Variants in STAT1 observed in about 807,000 individuals in gnomAD.
The protein encoded by STAT1 is signal transducer and activator of transcription 1.
In STAT1, 24 loss-of-function variants were observed where a neutral mutation model predicts 111.7. The observed-to-expected ratio is 0.21, with a 90% CI of 0.16 to 0.30. The LOEUF is 0.30. STAT1 is among the 10% of genes least tolerant of loss of function. The probability of loss-of-function intolerance (pLI) is 1.00; values close to 1 mark genes in which losing one functional copy is unlikely to be tolerated. For missense variants in STAT1, 351 were observed against 911.9 expected (o/e 0.38, Z 7.92); for synonymous variants, 332 against 326.5 (o/e 1.02, Z -0.18).
At chr2:190,991,849 C>T (rs1693368031) in intron 10 of STAT1, among the ~76,000 whole-genome samples, 3 of 151,618 alleles carry the variant, frequency 2.0e-5, no homozygotes, top group Admixed American at 2.0e-4. Context: ...AGAGTGAGGC[C>T]CTGTCTCAAA....
chr2:190,994,303 C>T (rs1046396847), intron 10 of STAT1, among the ~76,000 whole-genome samples: 3 of 151,984 alleles, frequency 2.0e-5, no homozygotes, highest in African/African-American at 4.8e-5. Context: ...GAAGGGGGGC[C>T]GTGAATGCCC....
Position 190,987,220 on chromosome 2 carries a change from C to A in STAT1, c.1098-152G>T. The A allele has an allele frequency of 1.4e-6, 1 of 690,390 alleles. No individual in the cohort carries two copies. The highest frequency in any genetic ancestry group is 2.5e-6 in the Non-Finnish European group (1 of 398,432). 42.8% of individuals were successfully genotyped at this position (690,390 alleles called of 1,614,324 possible). ...TGGATTTGCAGCCTTTCATTCACTCCCTGCTTCCATCTACCCATACTAGGT... is the reference window on the plus strand; with the variant it reads ...TGGATTTGCAGCCTTTCATTCACTCACTGCTTCCATCTACCCATACTAGGT... On this transcript the variant is annotated intron_variant, in intron 12 of 24. Coordinates refer to ENST00000361099, the MANE Select transcript of STAT1 (RefSeq NM_007315.4). The surrounding 1 kb of genome is among the most constrained non-coding windows in gnomAD (Gnocchi z 4.0).
chr2:190,987,614 T>C lies in STAT1; in HGVS notation c.1098-546A>G, dbSNP rs1181064717. Among the ~76,000 whole-genome samples, 4 of 152,234 alleles carry C rather than the reference T, an allele frequency of 2.6e-5. No individual in the cohort carries two copies. Among genetic ancestry groups the C allele is most frequent in the Admixed American group, 2.0e-4 (3 of 15,280 alleles). On this transcript the variant is annotated intron_variant, in intron 12 of 24. Transcript: ENST00000361099. The surrounding 1 kb of genome is among the most constrained non-coding windows in gnomAD (Gnocchi z 4.0). ...ATGAAAGTACCAGGAAAGTCAGTTATCTGGGGAAAGTGGCAAGTTTAAGTT... is the reference window on the plus strand; with the variant it reads ...ATGAAAGTACCAGGAAAGTCAGTTACCTGGGGAAAGTGGCAAGTTTAAGTT...
At position 190,978,659 on chromosome 2, in the gene STAT1, A is replaced by G. The variant is rs532490733; in HGVS notation, c.1873+197T>C. 1.0e-5 allele frequency: 7 copies of G among 696,236 alleles called. No homozygotes were observed. The highest frequency in any genetic ancestry group is 4.7e-5 in the Admixed American group (2 of 42,536). The allele number at this position is 696,236 out of a possible 1,614,324, so 43.1% of individuals were successfully genotyped here. On this transcript the variant is annotated intron_variant, in intron 21 of 24. Transcript: ENST00000361099. The surrounding 1 kb of genome is among the most constrained non-coding windows in gnomAD (Gnocchi z 6.1). The stretch of plus-strand genomic sequence containing the variant: ...TCTTTTCAAAACCATCATTTCCACA[A>G]TATGTTCCAGAGAGTGAACCACAAC...
Position 190,975,167 on chromosome 2 carries a change from C to T in STAT1, c.2136-235G>A, listed in dbSNP as rs1056132630. ...ACTCCAGGGATGTGATAAGCAATAG[C>T]CAGACTGGAATCTGTGCCGCTTCTG... is the stretch of plus-strand genomic sequence containing the variant. On this transcript the variant is annotated intron_variant, in intron 23 of 24. Coordinates refer to ENST00000361099, the MANE Select transcript of STAT1 (RefSeq NM_007315.4). The surrounding 1 kb of genome is among the most constrained non-coding windows in gnomAD (Gnocchi z 5.9). 9.5e-6 allele frequency: 5 copies of T among 528,954 alleles called. No individual in the cohort carries two copies. In the African/African-American group the frequency reaches 9.6e-5, roughly 10 times the overall value. The allele number at this position is 528,954 out of a possible 1,614,324, so 32.8% of individuals were successfully genotyped here. A position where few individuals can be genotyped will look rare whatever the true frequency, so the allele number is the denominator to read the frequency against.
In STAT1 at chr2:190,984,987, C is replaced by T. The variant is rs45565735; in HGVS notation, c.1264-594G>A. The stretch of plus-strand genomic sequence containing the variant: ...GGGCTAGAAGGCATCTTTGCACTGC[C>T]TGGGCCTGTGTTTGTCCCGCTGCTC... On this transcript the variant is annotated intron_variant, in intron 15 of 24. Transcript: ENST00000361099. The surrounding 1 kb of genome is among the most constrained non-coding windows in gnomAD (Gnocchi z 5.2). 2.0e-5 allele frequency among the ~76,000 whole-genome samples: 3 copies of T among 152,230 alleles called. No individual in the cohort carries two copies. Among genetic ancestry groups the T allele is most frequent in the Admixed American group, 6.5e-5 (1 of 15,286 alleles).
In STAT1 at chr2:190,974,990, G is replaced by A. The variant is rs575065910; in HGVS notation, c.2136-58C>T. 8.1e-7 allele frequency: 1 copy of A among 1,230,280 alleles called. No homozygotes were observed. Among genetic ancestry groups the A allele is most frequent in the African/African-American group, 1.5e-5 (1 of 67,596 alleles). 76.2% of individuals were successfully genotyped at this position (1,230,280 alleles called of 1,614,324 possible). ...ACATCTGAGTGATGAAAGCACTAGTGCATACTTACACACTTTATCTTTTGT... is the reference window on the plus strand; with the variant it reads ...ACATCTGAGTGATGAAAGCACTAGTACATACTTACACACTTTATCTTTTGT... On this transcript the variant is annotated intron_variant, in intron 23 of 24. Transcript: ENST00000361099. This position sits in a 1 kb window ranked among gnomAD's most constrained non-coding sequence, Gnocchi z 4.8.
intron 10 of STAT1, 103 bp downstream of exon 10, chr2:190,994,953 TATATA>T (rs1693732865): frequency 2.5e-6 from 1 of 405,070 alleles, no homozygotes; most frequent in South Asian, 2.0e-5. Context: ...TATATATATA[TATATA>T]AAAAACACCT....
At position 190,998,451 on chromosome 2, in the gene STAT1, A is replaced by G; in HGVS notation, c.542-143T>C. The stretch of plus-strand genomic sequence containing the variant: ...TGGCTTTCTTCGATCTTTAATGAAC[A>G]TGAAAAAAAGTCCTAAGTATAACAA... On this transcript the variant is annotated intron_variant, in intron 7 of 24. Transcript: ENST00000361099. This position sits in a 1 kb window ranked among gnomAD's most constrained non-coding sequence, Gnocchi z 4.1. The G allele has an allele frequency of 2.8e-6, 2 of 716,764 alleles. No homozygotes were observed. Among genetic ancestry groups the G allele is most frequent in the South Asian group, 3.1e-5 (2 of 65,196 alleles). 44.4% of individuals were successfully genotyped at this position (716,764 alleles called of 1,614,324 possible). A position where few individuals can be genotyped will look rare whatever the true frequency, so the allele number is the denominator to read the frequency against.
chr2:190,999,791 G>T lies in STAT1; in HGVS notation c.463-87C>A. 1 of 900,224 alleles carries T rather than the reference G, an allele frequency of 1.1e-6. No homozygotes were observed. Among genetic ancestry groups the T allele is most frequent in the Non-Finnish European group, 1.8e-6 (1 of 551,310 alleles). The allele number at this position is 900,224 out of a possible 1,614,324, so 55.8% of individuals were successfully genotyped here. Reference sequence around the variant, plus strand: ...CAGAGTATTGCTTCTATGGAACCCAGAGAAACACGAAAACAATTCCATCTC... The same window carrying T: ...CAGAGTATTGCTTCTATGGAACCCATAGAAACACGAAAACAATTCCATCTC... On this transcript the variant is annotated intron_variant, in intron 6 of 24. Transcript: ENST00000361099. This position sits in a 1 kb window ranked among gnomAD's most constrained non-coding sequence, Gnocchi z 4.1.
rs1490075158 is a variant in STAT1, at chr2:190,996,197, T to TA, written c.786-979dup. ...AATGAGTAAACCCAGTGATTGCTCT[T>TA]AGTCTTCCTTCCTTGCAGTCAACTG... On this transcript the variant is annotated intron_variant, in intron 9 of 24. Transcript: ENST00000361099. The surrounding 1 kb of genome is among the most constrained non-coding windows in gnomAD (Gnocchi z 4.5). Among the ~76,000 whole-genome samples, 1 of 152,248 alleles carries TA rather than the reference T, an allele frequency of 6.6e-6. No homozygotes were observed. The highest frequency in any genetic ancestry group is 1.5e-5 in the Non-Finnish European group (1 of 68,036).
In STAT1 at chr2:190,999,475, T is replaced by C; in HGVS notation, c.541+151A>G. The stretch of plus-strand genomic sequence containing the variant: ...AAATTAGCCCGAAATGTCAATAATA[T>C]TGGATGTTGAGAAGCCCTGGCCTGG... On this transcript the variant is annotated intron_variant, in intron 7 of 24. Transcript: ENST00000361099. This position sits in a 1 kb window ranked among gnomAD's most constrained non-coding sequence, Gnocchi z 4.1. 1 of 687,288 alleles carries C rather than the reference T, an allele frequency of 1.5e-6. No homozygotes were observed. Among genetic ancestry groups the C allele is most frequent in the East Asian group, 2.7e-5 (1 of 36,536 alleles). 42.6% of individuals were successfully genotyped at this position (687,288 alleles called of 1,614,324 possible).
At position 190,984,249 on chromosome 2, in the gene STAT1, C is replaced by T; in HGVS notation, c.1347+61G>A. ...GAACAAACACTGAGAAATAAAAATACATGTAACAATTAAAAGTAAAAATAA... is the reference window on the plus strand; with the variant it reads ...GAACAAACACTGAGAAATAAAAATATATGTAACAATTAAAAGTAAAAATAA... On this transcript the variant is annotated intron_variant, in intron 16 of 24. Transcript: ENST00000361099. This position sits in a 1 kb window ranked among gnomAD's most constrained non-coding sequence, Gnocchi z 5.2. 2 of 1,323,118 alleles carry T rather than the reference C, an allele frequency of 1.5e-6. No individual in the cohort carries two copies. The highest frequency in any genetic ancestry group is 2.2e-6 in the Non-Finnish European group (2 of 918,554). 82.0% of individuals were successfully genotyped at this position (1,323,118 alleles called of 1,614,324 possible).
Position 190,986,192 on chromosome 2 carries a change from C to A in STAT1, c.1222-532G>T, listed in dbSNP as rs1400675437. 6.6e-6 allele frequency among the ~76,000 whole-genome samples: 1 copy of A among 152,186 alleles called. No homozygotes were observed. Reference sequence around the variant, plus strand: ...TAGAGCTTCCTAGCTACGAGGCTTGCTGGATCACAAAGTGGTCTCTAGTGA... The same window carrying A: ...TAGAGCTTCCTAGCTACGAGGCTTGATGGATCACAAAGTGGTCTCTAGTGA... On this transcript the variant is annotated intron_variant, in intron 14 of 24. Coordinates refer to ENST00000361099, the MANE Select transcript of STAT1 (RefSeq NM_007315.4). The surrounding 1 kb of genome is among the most constrained non-coding windows in gnomAD (Gnocchi z 5.0).
intron 10 of STAT1, chr2:190,992,725 G>A: frequency 8.8e-7 from 1 of 1,136,410 alleles, no homozygotes; most frequent in South Asian, 2.1e-5. Context: ...GTTGCTCCAG[G>A]ACCCATTAGC....
Position 191,011,074 on chromosome 2 carries a change from T to C in STAT1, c.-1-1070A>G, listed in dbSNP as rs549959781. 2.7e-4 allele frequency among the ~76,000 whole-genome samples: 41 copies of C among 152,356 alleles called. No homozygotes were observed. The Middle Eastern group carries it at 0.01, about 38-fold the overall frequency. The stretch of plus-strand genomic sequence containing the variant: ...GGCATGGAAGAGTGTGTATGCATAC[T>C]TGTAGCCGAGCACATGTATGCAGGC... On this transcript the variant is annotated intron_variant, in intron 2 of 24. Coordinates refer to ENST00000361099, the MANE Select transcript of STAT1 (RefSeq NM_007315.4).
intron 10 of STAT1, among the ~76,000 whole-genome samples, chr2:190,992,146 A>G (rs1559015180): frequency 6.6e-6 from 1 of 152,232 alleles, no homozygotes; most frequent in African/African-American, 2.4e-5. Context: ...AGTATGAAGA[A>G]GCTATTAATC....
At position 190,998,356 on chromosome 2, in the gene STAT1, A is replaced by G. The variant is rs768045175; in HGVS notation, c.542-48T>C. 2.8e-6 allele frequency: 4 copies of G among 1,422,148 alleles called. No homozygotes were observed. The highest frequency in any genetic ancestry group is 1.7e-5 in the Admixed American group (1 of 59,772). The allele number at this position is 1,422,148 out of a possible 1,614,324, so 88.1% of individuals were successfully genotyped here. ...TAAATATATAAAGAAGACAAAACCA[A>G]CAAAAGCCAAGATTCATATAAATTT... On this transcript the variant is annotated intron_variant, in intron 7 of 24. Transcript: ENST00000361099. This position sits in a 1 kb window ranked among gnomAD's most constrained non-coding sequence, Gnocchi z 4.1.
Position 190,993,274 on chromosome 2 carries a change from G to A in STAT1, c.944+1787C>T, listed in dbSNP as rs1693531231. ...GCAGTCACTGTTTAATATTATTGAA[G>A]GACTCCTGATCTGTCACATCATACA... On this transcript the variant is annotated intron_variant, in intron 10 of 24. Transcript: ENST00000361099. The surrounding 1 kb of genome is among the most constrained non-coding windows in gnomAD (Gnocchi z 4.1). The A allele has an allele frequency of 4.7e-5, 29 of 621,284 alleles. No homozygotes were observed. The highest frequency in any genetic ancestry group is 5.6e-4 in the Middle Eastern group (2 of 3,574). The allele number at this position is 621,284 out of a possible 1,614,324, so 38.5% of individuals were successfully genotyped here.
Sources: allele counts gnomAD v4.1 joint callset (sites outside exome capture counted in the v4.1 genomes callset), GRCh38; gene constraint gnomAD v4.1.1; non-coding constraint Gnocchi (gnomAD v3.1); transcripts MANE v1.5; gene names NCBI Gene and HGNC (gene_info 2026-07-23, HGNC 2026-07-21).